AUTS2: variants seen among roughly 807,000 people sequenced by gnomAD.
AUTS2 encodes activator of transcription and developmental regulator AUTS2, also known as autism susceptibility gene 2 protein.
AUTS2 carries 17 observed loss-of-function variants against 112.4 expected under a neutral mutation model. The observed-to-expected ratio is 0.15, with a 90% CI of 0.10 to 0.23. The LOEUF (loss-of-function observed/expected upper bound fraction) is 0.23. AUTS2 is among the 10% of genes least tolerant of loss of function. AUTS2 has a pLI of 1.00. For missense variants in AUTS2, 1,510 were observed against 1,701.6 expected (o/e 0.89, Z 1.98); for synonymous variants, 751 against 702.7 (o/e 1.07, Z -1.09).
chr7:70,714,572 A>G (rs1462567764), intron 6 of AUTS2, among the ~76,000 whole-genome samples: 1 of 152,208 alleles, frequency 6.6e-6, no homozygotes, highest in African/African-American at 2.4e-5. Flanking sequence ...TCAGGATACA[A>G]ACAGACACAC....
At chr7:70,181,796 CTTTT>C (rs35077931) in intron 4 of AUTS2, among the ~76,000 whole-genome samples, 3 of 110,154 alleles carry the variant, frequency 2.7e-5, no homozygotes, top group Admixed American at 2.0e-4. Flanking sequence ...GCTGAGCTAA[CTTTT>C]TTTTTTTTTT....
intron 4 of AUTS2, among the ~76,000 whole-genome samples, chr7:70,360,936 A>G (rs1792232298): frequency 1.3e-5 from 2 of 152,184 alleles, no homozygotes; most frequent in Non-Finnish European, 2.9e-5. Context: ...TATAAGCCCT[A>G]CCAGCATTAG....
chr7:69,614,368 T>TTTCTTTCTTTTCTTTTCTTTC, intron 1 of AUTS2, among the ~76,000 whole-genome samples: 1 of 19,536 alleles, frequency 5.1e-5, no homozygotes, highest in African/African-American at 1.9e-4. Flanking sequence ...TTCTTTCTTT[T>TTTCTTTCTTTTCTTTTCTTTC]TTTAAGAGAT....
At chr7:70,377,928 G>A (rs949837931) in intron 4 of AUTS2, among the ~76,000 whole-genome samples, 5 of 151,404 alleles carry the variant, frequency 3.3e-5, no homozygotes, top group African/African-American at 9.7e-5. Context: ...CCGCCACCAC[G>A]GCTGGCTAAT....
rs1795996681 is a variant in AUTS2, at chr7:69,665,635, C to A, written c.309+65673C>A. Among the ~76,000 whole-genome samples the A allele has an allele frequency of 3.9e-5, 6 of 152,188 alleles. No homozygotes were observed. In the South Asian group the frequency reaches 1.2e-3, roughly 31 times the overall value. ...TTCCCAGACGGTGCTCTGTGTTAGC[C>A]TTCCCTTCTGTATAATCATTCTCTT... On this transcript the variant is annotated intron_variant, in intron 1 of 18. Coordinates refer to ENST00000342771, the MANE Select transcript of AUTS2 (RefSeq NM_015570.4).
intron 5 of AUTS2, among the ~76,000 whole-genome samples, chr7:70,544,767 G>A (rs1800700900): frequency 6.6e-6 from 1 of 152,174 alleles, no homozygotes. Context: ...GTCTTAGCAG[G>A]TTTCCCTTGA....
intron 4 of AUTS2, among the ~76,000 whole-genome samples, chr7:70,352,244 C>G (rs748682894): frequency 3.3e-5 from 5 of 152,158 alleles, no homozygotes; most frequent in Admixed American, 6.5e-5. Context: ...TCTGCCAACT[C>G]TTTGGAGTGG....
intron 11 of AUTS2, among the ~76,000 whole-genome samples, chr7:70,773,148 T>C (rs572232930): frequency 1.1e-4 from 16 of 152,258 alleles, no homozygotes; most frequent in African/African-American, 3.4e-4. Context: ...TGCAGCTGAT[T>C]GCTTTTCTTT....
intron 1 of AUTS2, among the ~76,000 whole-genome samples, chr7:69,789,941 T>C (rs201772323): frequency 0.048 from 7,263 of 152,080 alleles, 261 homozygotes; most frequent in East Asian, 0.13. Context: ...AATAAATATC[T>C]TTTTTTTCAA....
At chr7:69,797,001 G>C (rs982873689) in intron 1 of AUTS2, among the ~76,000 whole-genome samples, 1 of 152,134 alleles carries the variant, frequency 6.6e-6, no homozygotes, top group African/African-American at 2.4e-5. Flanking sequence ...GATTTTCGTC[G>C]TGAGGATGCA....
At chr7:70,524,279 C>G (rs1034371088) in intron 5 of AUTS2, among the ~76,000 whole-genome samples, 1 of 152,156 alleles carries the variant, frequency 6.6e-6, no homozygotes, top group Admixed American at 6.5e-5. Context: ...TTCCTCAAAG[C>G]CTGGGGGAAG....
intron 5 of AUTS2, among the ~76,000 whole-genome samples, chr7:70,590,388 A>G (rs1232136621): frequency 6.6e-6 from 1 of 152,124 alleles, no homozygotes; most frequent in East Asian, 1.9e-4. Context: ...TTCTGACTCA[A>G]ACTGCCTTGT....
intron 5 of AUTS2, among the ~76,000 whole-genome samples, chr7:70,463,286 G>A (rs777576118): frequency 4.3e-4 from 65 of 152,300 alleles, no homozygotes; most frequent in Admixed American, 1.2e-3. Flanking sequence ...CTAAAAACCC[G>A]TAGAAAACCC....
Position 69,629,403 on chromosome 7 carries a change from G to A in AUTS2, c.309+29441G>A, listed in dbSNP as rs548044592. 3.3e-5 allele frequency among the ~76,000 whole-genome samples: 5 copies of A among 152,308 alleles called. No individual in the cohort carries two copies. In the East Asian group the frequency reaches 7.7e-4, roughly 23 times the overall value. ...ACCTTGCTAGCTCTCAGCCAACGGA[G>A]GTGGGATTCTTGTTAATTGTTTCAA... On this transcript the variant is annotated intron_variant, in intron 1 of 18. Coordinates refer to ENST00000342771, the MANE Select transcript of AUTS2 (RefSeq NM_015570.4).
intron 3 of AUTS2, among the ~76,000 whole-genome samples, chr7:70,132,093 A>G (rs1806302665): frequency 6.6e-6 from 1 of 151,552 alleles, no homozygotes; most frequent in Non-Finnish European, 1.5e-5. Flanking sequence ...GTCGATCACA[A>G]GAGGGTTTTT....
At chr7:70,617,014 A>G (rs1344807923) in intron 5 of AUTS2, among the ~76,000 whole-genome samples, 1 of 152,206 alleles carries the variant, frequency 6.6e-6, no homozygotes, top group Non-Finnish European at 1.5e-5. Flanking sequence ...GCTGCAAGTA[A>G]TAGCTTGACT....
At chr7:70,308,172 A>G (rs1789572017) in intron 4 of AUTS2, among the ~76,000 whole-genome samples, 1 of 152,230 alleles carries the variant, frequency 6.6e-6, no homozygotes, top group Non-Finnish European at 1.5e-5. Flanking sequence ...CCTCGTTTTC[A>G]GATATGGGAC....
chr7:69,701,765 C>A (rs947619060), intron 1 of AUTS2, among the ~76,000 whole-genome samples: 3 of 152,160 alleles, frequency 2.0e-5, no homozygotes, highest in South Asian at 2.1e-4. Flanking sequence ...GTATTATTAT[C>A]TCCAGTTTAC....
chr7:70,446,011 T>A (rs1315279164), intron 5 of AUTS2, among the ~76,000 whole-genome samples: 1 of 152,042 alleles, frequency 6.6e-6, no homozygotes, highest in Admixed American at 6.6e-5. Context: ...TGCAGACCAT[T>A]TTCTTCCTAC....
Sources: allele counts gnomAD v4.1 joint callset (sites outside exome capture counted in the v4.1 genomes callset), GRCh38; gene constraint gnomAD v4.1.1; transcripts MANE v1.5; gene names NCBI Gene and HGNC (gene_info 2026-07-23, HGNC 2026-07-21).